The following NEURL1B variants were observed in gnomAD, a reference collection of about 807,000 sequenced individuals.
The protein encoded by NEURL1B is E3 ubiquitin-protein ligase NEURL1B.
In NEURL1B, 13 loss-of-function variants were observed where a neutral mutation model predicts 37.4. That is an observed-to-expected ratio of 0.35 (90% CI 0.23 to 0.55). The LOEUF is 0.55. Among genes scored for constraint, NEURL1B ranks in the 20% least tolerant of loss-of-function variants. The pLI, the probability that NEURL1B is intolerant of heterozygous loss-of-function variation, is 0.89. For synonymous variants in NEURL1B, 432 were observed against 426.6 expected (o/e 1.01, Z -0.16); for missense variants, 790 against 879.2 (o/e 0.90, Z 1.28).
Position 172,686,700 on chromosome 5 carries a change from G to A in NEURL1B, c.1443G>A (p.Pro481=), listed in dbSNP as rs915278771. 21 of 1,550,276 alleles carry A rather than the reference G, an allele frequency of 1.4e-5. No individual in the cohort carries two copies. The highest frequency in any genetic ancestry group is 2.4e-5 in the South Asian group (2 of 84,020). ...CGGCAGTGACGGCCCCCAGCTCCCC[G>A]CTGAGCCCCCCGGTGTCCCCCGTGT... ...ESSLVTAPSS[P]LSPPVSPVFS... Residue 481 remains proline (P), a synonymous_variant, in exon 5 of 5, where the codon CCG becomes CCA. Coordinates refer to ENST00000369800, the MANE Select transcript of NEURL1B (RefSeq NM_001142651.3). The surrounding 1 kb of genome is among the most constrained non-coding windows in gnomAD (Gnocchi z 7.9).
At position 172,669,963 on chromosome 5, in the gene NEURL1B, G is replaced by C. The variant is rs1159875749; in HGVS notation, c.210G>C (p.Thr70=). The change falls in exon 2 of 5, where the codon ACG becomes ACC. Residue 70 remains threonine, a synonymous_variant. Transcript: ENST00000369800. ...GCAACAGCTTCTGCAATGGCGTCAC[G>C]TTCACGCAGCGGCCCATCCGGCTGT... The part of the protein sequence containing the change: ...TRRNSFCNGV[T]FTQRPIRLYE... 6.9e-7 allele frequency: 1 copy of C among 1,456,004 alleles called. No homozygotes were observed. The highest frequency in any genetic ancestry group is 9.0e-7 in the Non-Finnish European group (1 of 1,110,232). The allele number at this position is 1,456,004 out of a possible 1,614,324, so 90.2% of individuals were successfully genotyped here.
At chr5:172,678,108 C>T (rs1361666472) in intron 2 of NEURL1B, among the ~76,000 whole-genome samples, 1 of 152,162 alleles carries the variant, frequency 6.6e-6, no homozygotes, top group Non-Finnish European at 1.5e-5. Flanking sequence ...CCCGCCGTTC[C>T]TCCTGCTTTC....
Position 172,683,501 on chromosome 5 carries a change from C to T in NEURL1B, c.660C>T (p.Asp220=), listed in dbSNP as rs1182121319. 3.3e-6 allele frequency: 5 copies of T among 1,502,658 alleles called. No homozygotes were observed. Among genetic ancestry groups the T allele is most frequent in the Non-Finnish European group, 4.4e-6 (5 of 1,130,946 alleles). 93.1% of individuals were successfully genotyped at this position (1,502,658 alleles called of 1,614,324 possible). ...FSACLPPSSH[D]AANFDNNELE... is the part of the protein sequence containing the mutation. ...CCTGCCTGCCGCCCAGCAGCCACGA[C>T]GCGGCCAACTTCGACAACAACGAGC... The change falls in exon 3 of 5, where the codon GAC becomes GAT. Residue 220 remains aspartate, a synonymous_variant. Transcript: ENST00000369800. This position sits in a 1 kb window ranked among gnomAD's most constrained non-coding sequence, Gnocchi z 5.6.
intron 1 of NEURL1B, among the ~76,000 whole-genome samples, chr5:172,660,250 C>A (rs768076889): frequency 6.6e-6 from 1 of 152,196 alleles, no homozygotes; most frequent in Non-Finnish European, 1.5e-5. Flanking sequence ...GGCAGAGGGT[C>A]GGAGTCAGCT....
chr5:172,690,793 T>G lies in NEURL1B; in HGVS notation c.*3868T>G, dbSNP rs1243090794. On this transcript the variant is annotated 3_prime_UTR_variant, in exon 5 of 5. Coordinates refer to ENST00000369800, the MANE Select transcript of NEURL1B (RefSeq NM_001142651.3). ...GAGCTGCTGCCAAAACGGCGTTAAGTAGAACCCCCAGAGGCCCCGCCGGTT... is the reference window on the plus strand; with the variant it reads ...GAGCTGCTGCCAAAACGGCGTTAAGGAGAACCCCCAGAGGCCCCGCCGGTT... The G allele has an allele frequency of 6.6e-6, 1 of 152,204 alleles. No individual in the cohort carries two copies. The highest frequency in any genetic ancestry group is 1.5e-5 in the Non-Finnish European group (1 of 68,098). 9.4% of individuals were successfully genotyped at this position (152,204 alleles called of 1,614,324 possible). A position where few individuals can be genotyped will look rare whatever the true frequency, so the allele number is the denominator to read the frequency against.
chr5:172,660,149 T>C (rs901559408), intron 1 of NEURL1B, among the ~76,000 whole-genome samples: 1 of 152,204 alleles, frequency 6.6e-6, no homozygotes. Context: ...CACCTCTCAC[T>C]GCAGTGGGGC....
chr5:172,646,422 C>T (rs947967059), intron 1 of NEURL1B, among the ~76,000 whole-genome samples: 4 of 152,198 alleles, frequency 2.6e-5, no homozygotes, highest in Non-Finnish European at 4.4e-5. Flanking sequence ...CTGACAGGTG[C>T]CCTTCACTCC....
At position 172,686,314 on chromosome 5, in the gene NEURL1B, C is replaced by T; in HGVS notation, c.1423+18C>T. 1 of 1,551,250 alleles carries T rather than the reference C, an allele frequency of 6.4e-7. No individual in the cohort carries two copies. Among genetic ancestry groups the T allele is most frequent in the Non-Finnish European group, 8.7e-7 (1 of 1,146,712 alleles). ...ATCCCTGGGTAAGGAAATGCAAACC[C>T]TGGCAGGGGCAGGGGCTGGCGGCTG... On this transcript the variant is annotated intron_variant, in intron 4 of 4. Coordinates refer to ENST00000369800, the MANE Select transcript of NEURL1B (RefSeq NM_001142651.3). The surrounding 1 kb of genome is among the most constrained non-coding windows in gnomAD (Gnocchi z 7.9).
intron 2 of NEURL1B, among the ~76,000 whole-genome samples, chr5:172,680,514 A>G (rs2113325636): frequency 6.6e-6 from 1 of 152,366 alleles, no homozygotes; most frequent in East Asian, 1.9e-4. Context: ...TTGCACCGAC[A>G]CTTCCAGAAA....
chr5:172,666,063 A>C (rs1161477258), intron 1 of NEURL1B, among the ~76,000 whole-genome samples: 2 of 152,202 alleles, frequency 1.3e-5, no homozygotes, highest in Non-Finnish European at 2.9e-5. Context: ...GGAGGTCAAC[A>C]GGCAGCCTCT....
chr5:172,662,774 G>A (rs938669274), intron 1 of NEURL1B, among the ~76,000 whole-genome samples: 1 of 152,174 alleles, frequency 6.6e-6, no homozygotes, highest in Non-Finnish European at 1.5e-5. Context: ...TGGTGACCCT[G>A]ACAGCCAGAG....
Position 172,688,647 on chromosome 5 carries a change from C to T in NEURL1B, c.*1722C>T, listed in dbSNP as rs1758562607. On this transcript the variant is annotated 3_prime_UTR_variant, in exon 5 of 5. Transcript: ENST00000369800. The surrounding 1 kb of genome is among the most constrained non-coding windows in gnomAD (Gnocchi z 4.3). Reference sequence around the variant, plus strand: ...ACCTGATTCCAACTTAAGGTCCCCACTCTCTTGCCCCATCAAGAATCCCTG... The same window carrying T: ...ACCTGATTCCAACTTAAGGTCCCCATTCTCTTGCCCCATCAAGAATCCCTG... The T allele has an allele frequency of 6.6e-6, 1 of 152,252 alleles. No homozygotes were observed. The highest frequency in any genetic ancestry group is 6.5e-5 in the Admixed American group (1 of 15,290). The allele number at this position is 152,252 out of a possible 1,614,324, so 9.4% of individuals were successfully genotyped here.
At chr5:172,646,982 C>T (rs1757573188) in intron 1 of NEURL1B, among the ~76,000 whole-genome samples, 1 of 152,126 alleles carries the variant, frequency 6.6e-6, no homozygotes, top group Middle Eastern at 3.2e-3. Flanking sequence ...TTCTTGTAGG[C>T]CAGGCTGCAG....
intron 1 of NEURL1B, among the ~76,000 whole-genome samples, chr5:172,666,877 G>T (rs1758023805): frequency 1.3e-5 from 2 of 152,122 alleles, no homozygotes; most frequent in Admixed American, 1.3e-4. Flanking sequence ...GACCCTGACT[G>T]ACCTTGAGCT....
At chr5:172,670,454 C>A in intron 2 of NEURL1B, 124 bp downstream of exon 2, 2 of 743,172 alleles carry the variant, frequency 2.7e-6, no homozygotes, top group Non-Finnish European at 3.7e-6. Context: ...GCACTAAGCG[C>A]TTTACGCCTT....
chr5:172,658,020 C>A (rs1014328499), intron 1 of NEURL1B, among the ~76,000 whole-genome samples: 1 of 152,130 alleles, frequency 6.6e-6, no homozygotes, highest in African/African-American at 2.4e-5. Flanking sequence ...GGAAGGGCCC[C>A]CTGTCCAGTG....
At chr5:172,650,783 C>A (rs1226574485) in intron 1 of NEURL1B, among the ~76,000 whole-genome samples, 1 of 152,230 alleles carries the variant, frequency 6.6e-6, no homozygotes, top group African/African-American at 2.4e-5. Context: ...ACGCACGTGA[C>A]CCCTGCTGCT....
At chr5:172,673,321 A>T (rs7701693) in intron 2 of NEURL1B, among the ~76,000 whole-genome samples, 31,497 of 151,920 alleles carry the variant, frequency 0.21, 4,513 homozygotes, top group African/African-American at 0.42. Context: ...ACCCAATGGA[A>T]ACATAAAGAG....
rs1757822434 is a variant in NEURL1B at position 172,657,752 on chromosome 5, G to A, written c.32-12033G>A. 6.6e-6 allele frequency among the ~76,000 whole-genome samples: 1 copy of A among 152,096 alleles called. No homozygotes were observed. The highest frequency in any genetic ancestry group is 2.4e-5 in the African/African-American group (1 of 41,388). On this transcript the variant is annotated intron_variant, in intron 1 of 4. Transcript: ENST00000369800. The surrounding 1 kb of genome is among the most constrained non-coding windows in gnomAD (Gnocchi z 4.0). Reference sequence around the variant, plus strand: ...GCACACTCTGCTCCACCAGCTTCTTGTGGAAGGCTGGATATTATCCAGGCC... The same window carrying A: ...GCACACTCTGCTCCACCAGCTTCTTATGGAAGGCTGGATATTATCCAGGCC...
Sources: gnomAD v4.1 joint callset for allele counts (sites outside exome capture counted in the v4.1 genomes callset) on GRCh38, gnomAD v4.1.1 for gene constraint, Gnocchi (gnomAD v3.1) non-coding constraint, MANE v1.5 for transcripts, NCBI Gene and HGNC (gene_info 2026-07-23, HGNC 2026-07-21) for gene names.